Variants in CATSPERE observed in about 807,000 individuals in gnomAD.
The protein encoded by CATSPERE is catsper channel auxiliary subunit epsilon.
A neutral mutation model predicts 114.1 loss-of-function variants in CATSPERE; 93 were observed. The observed-to-expected ratio is 0.81, with a 90% CI of 0.69 to 0.97. The LOEUF (loss-of-function observed/expected upper bound fraction) is 0.97. Among genes scored for constraint, CATSPERE ranks in the 50% least tolerant of loss-of-function variants. CATSPERE has a pLI of 0.00. For synonymous variants in CATSPERE, 341 were observed against 384.1 expected (o/e 0.89, Z 1.31); for missense variants, 1,058 against 1,131.6 (o/e 0.93, Z 0.93).
At chr1:244,593,256 T>G (rs1667960716) in intron 15 of CATSPERE, 139 bp from the exon 16 acceptor site, 4 of 763,846 alleles carry the variant, frequency 5.2e-6, no homozygotes, top group Non-Finnish European at 8.7e-6. Flanking sequence ...TGGATATACA[T>G]GTAGAAAGTG....
chr1:244,557,024 T>C (rs1272450736), intron 9 of CATSPERE, among the ~76,000 whole-genome samples: 1 of 152,202 alleles, frequency 6.6e-6, no homozygotes, highest in Non-Finnish European at 1.5e-5. Context: ...GAAAGATTAG[T>C]TGGCTATATA....
At chr1:244,469,560 C>T (rs930666932) in intron 2 of CATSPERE, among the ~76,000 whole-genome samples, 4 of 152,148 alleles carry the variant, frequency 2.6e-5, no homozygotes, top group African/African-American at 9.7e-5. Context: ...AACTAAAAGG[C>T]ATCCACTTTG....
chr1:244,510,817 T>TTTTTC lies in CATSPERE; in HGVS notation c.430-7771_430-7770insCTTTT, dbSNP rs1274403702. Reference sequence around the variant, plus strand: ...AGTGCATATAACATTTCTTTCTTTTTTTTTTCTTTTTCTTTTTCTTTTTTT... The same window carrying TTTTTC: ...AGTGCATATAACATTTCTTTCTTTTTTTTTCTTTTTCTTTTTCTTTTTCTTTTTTT... On this transcript the variant is annotated intron_variant, in intron 7 of 21. Coordinates refer to ENST00000366534, the MANE Select transcript of CATSPERE (RefSeq NM_001130957.2). 2.6e-3 allele frequency among the ~76,000 whole-genome samples: 386 copies of TTTTTC among 147,084 alleles called. 3 individuals are homozygous for TTTTTC. Among genetic ancestry groups the TTTTTC allele is most frequent in the African/African-American group, 9.0e-3 (355 of 39,380 alleles).
At position 244,515,314 on chromosome 1, in the gene CATSPERE, C is replaced by T. The variant is rs146117593; in HGVS notation, c.430-3278C>T. 7.5e-4 allele frequency: 740 copies of T among 981,344 alleles called. 4 individuals carry two copies. In the African/African-American group the frequency reaches 0.012, roughly 16 times the overall value. 60.8% of individuals were successfully genotyped at this position (981,344 alleles called of 1,614,324 possible). On this transcript the variant is annotated intron_variant, in intron 7 of 21. Coordinates refer to ENST00000366534, the MANE Select transcript of CATSPERE (RefSeq NM_001130957.2). The stretch of plus-strand genomic sequence containing the variant: ...ACAGCTGTCTCATGAAAGATACATA[C>T]TCTCCTCTGGATGGTGAGATTTTTT...
intron 7 of CATSPERE, among the ~76,000 whole-genome samples, chr1:244,506,467 C>T (rs1191231881): frequency 6.6e-6 from 1 of 152,136 alleles, no homozygotes; most frequent in African/African-American, 2.4e-5. Context: ...TGAGAAACTG[C>T]CACACCATTT....
chr1:244,492,638 A>G (rs1298135907), intron 6 of CATSPERE, among the ~76,000 whole-genome samples: 1 of 151,918 alleles, frequency 6.6e-6, no homozygotes, highest in Admixed American at 6.6e-5. Flanking sequence ...TAAATTGGGA[A>G]AAGAGGAAGT....
Position 244,501,768 on chromosome 1 carries a change from A to G in CATSPERE, c.429+2689A>G, listed in dbSNP as rs996062461. ...CATTTATCCATGATGATATAATTTTATTAAATCCTTTCTATGGCTCTCCAT... is the reference window on the plus strand; with the variant it reads ...CATTTATCCATGATGATATAATTTTGTTAAATCCTTTCTATGGCTCTCCAT... On this transcript the variant is annotated intron_variant, in intron 7 of 21. Transcript: ENST00000366534. 3.9e-5 allele frequency among the ~76,000 whole-genome samples: 6 copies of G among 152,328 alleles called. 1 individual carries two copies. In the South Asian group the frequency reaches 1.0e-3, roughly 26 times the overall value.
At chr1:244,627,412 A>AT (rs1037974463) in intron 20 of CATSPERE, among the ~76,000 whole-genome samples, 1 of 151,970 alleles carries the variant, frequency 6.6e-6, no homozygotes, top group Non-Finnish European at 1.5e-5. Flanking sequence ...CACTACAACA[A>AT]TTTTTTAAAA....
intron 4 of CATSPERE, 76 bp downstream of exon 4, chr1:244,478,051 C>A: frequency 9.1e-7 from 1 of 1,099,932 alleles, no homozygotes; most frequent in Non-Finnish European, 1.4e-6. Flanking sequence ...TTTTGCCTTT[C>A]TTTTGAGCTT....
intron 17 of CATSPERE, among the ~76,000 whole-genome samples, chr1:244,602,587 C>T (rs912925242): frequency 1.3e-5 from 2 of 152,208 alleles, no homozygotes; most frequent in African/African-American, 2.4e-5. Context: ...TGTGATCTAG[C>T]TGGGAACCCA....
intron 20 of CATSPERE, among the ~76,000 whole-genome samples, chr1:244,634,806 G>T (rs1280573839): frequency 6.6e-6 from 1 of 152,228 alleles, no homozygotes; most frequent in Non-Finnish European, 1.5e-5. Flanking sequence ...GCATGTAAGC[G>T]TTTGGCATGC....
chr1:244,583,985 T>C, intron 13 of CATSPERE, 46 bp downstream of exon 13: 1 of 1,540,054 alleles, frequency 6.5e-7, no homozygotes, highest in South Asian at 1.1e-5. Context: ...TTCAAGAATG[T>C]ATAGGCGGTC....
chr1:244,490,021 T>C (rs1369050796), intron 5 of CATSPERE, among the ~76,000 whole-genome samples: 1 of 152,120 alleles, frequency 6.6e-6, no homozygotes, highest in African/African-American at 2.4e-5. Flanking sequence ...GATTGTAAAG[T>C]GGTTAGAAAT....
At chr1:244,521,497 A>G (rs1376160709) in intron 8 of CATSPERE, among the ~76,000 whole-genome samples, 1 of 152,200 alleles carries the variant, frequency 6.6e-6, no homozygotes, top group Non-Finnish European at 1.5e-5. Context: ...TTAAAGGAGT[A>G]AAATTAGATG....
At chr1:244,613,097 G>C (rs1263104217) in intron 19 of CATSPERE, among the ~76,000 whole-genome samples, 1 of 152,128 alleles carries the variant, frequency 6.6e-6, no homozygotes, top group African/African-American at 2.4e-5. Context: ...AAGGCTATTA[G>C]GTCTTTACTA....
rs377532508 is a variant in CATSPERE at position 244,575,128 on chromosome 1, C to T, written c.1950+2356C>T. On this transcript the variant is annotated intron_variant, in intron 11 of 21. Transcript: ENST00000366534. The surrounding 1 kb of genome is among the most constrained non-coding windows in gnomAD (Gnocchi z 4.5). ...ATGGGCCCTGCCCCAGAGCATGTGC[C>T]GCCATCTGTCTCTCCTGTTTCTTTC... Among the ~76,000 whole-genome samples the T allele has an allele frequency of 4.6e-5, 7 of 152,326 alleles. No individual in the cohort carries two copies. The highest frequency in any genetic ancestry group is 2.1e-4 in the South Asian group (1 of 4,832).
chr1:244,467,842 T>C (rs1483358132), intron 2 of CATSPERE, among the ~76,000 whole-genome samples: 3 of 152,230 alleles, frequency 2.0e-5, no homozygotes, highest in Non-Finnish European at 2.9e-5. Flanking sequence ...TCTGTGAAAG[T>C]AGCCATACAG....
At chr1:244,609,554 T>C (rs779926577) in intron 18 of CATSPERE, among the ~76,000 whole-genome samples, 3 of 152,178 alleles carry the variant, frequency 2.0e-5, no homozygotes, top group Non-Finnish European at 4.4e-5. Flanking sequence ...TTTCACTGTG[T>C]TGGCCAGGCT....
At chr1:244,593,455 TG>T (rs778036375) in intron 16 of CATSPERE, 27 bp downstream of exon 16, 2 of 1,613,746 alleles carry the variant, frequency 1.2e-6, no homozygotes, top group Admixed American at 3.3e-5. Context: ...ATTCTGTCAA[TG>T]GACCAAATAT....
Sources: allele counts gnomAD v4.1 joint callset (sites outside exome capture counted in the v4.1 genomes callset), GRCh38; gene constraint gnomAD v4.1.1; non-coding constraint Gnocchi (gnomAD v3.1); transcripts MANE v1.5; gene names NCBI Gene and HGNC (gene_info 2026-07-23, HGNC 2026-07-21).